The following ECPAS variants were observed in gnomAD, a reference collection of about 807,000 sequenced individuals.
ECPAS encodes the protein Ecm29 proteasome adaptor and scaffold, also known as proteasome adapter and scaffold protein ECM29.
Under a neutral mutation model 255.1 loss-of-function variants are expected in ECPAS, and 70 were observed. The ratio of observed to expected loss-of-function variants is 0.27; its 90% CI spans 0.23 to 0.33. The LOEUF is 0.33. ECPAS is among the 10% of genes least tolerant of loss of function. The pLI is 1.00. For synonymous variants in ECPAS, 784 were observed against 775.0 expected (o/e 1.01, Z -0.19); for missense variants, 1,817 against 2,206.4 (o/e 0.82, Z 3.54).
At chr9:111,365,302 T>TCATCATC (rs1564492243) in intron 48 of ECPAS, among the ~76,000 whole-genome samples, 3 of 149,776 alleles carry the variant, frequency 2.0e-5, no homozygotes, top group African/African-American at 7.4e-5. Flanking sequence ...ATCATCATCA[T>TCATCATC]CATCATCATC....
chr9:111,470,545 C>T (rs150763577), intron 2 of ECPAS, among the ~76,000 whole-genome samples: 6,170 of 152,040 alleles, frequency 0.041, 280 homozygotes, highest in East Asian at 0.14. Flanking sequence ...CTCCTGACCT[C>T]GTGATCCGCC....
At chr9:111,381,274 G>T (rs1340137228) in intron 35 of ECPAS, among the ~76,000 whole-genome samples, 1 of 152,188 alleles carries the variant, frequency 6.6e-6, no homozygotes, top group Non-Finnish European at 1.5e-5. Flanking sequence ...CTCAGGGAAT[G>T]AGACATTTGA....
chr9:111,443,393 G>A (rs1311604041), intron 4 of ECPAS, among the ~76,000 whole-genome samples: 1 of 152,110 alleles, frequency 6.6e-6, no homozygotes, highest in Non-Finnish European at 1.5e-5. Flanking sequence ...TGGGACTACA[G>A]GCACGCGCCA....
intron 24 of ECPAS, among the ~76,000 whole-genome samples, chr9:111,399,445 G>A (rs558361606): frequency 6.6e-6 from 1 of 152,320 alleles, no homozygotes; most frequent in Admixed American, 6.5e-5. Flanking sequence ...GTGAAGCAGA[G>A]CAAAATGAGT....
Position 111,484,128 on chromosome 9 carries a change from C to A in ECPAS, c.-95G>T. The A allele has an allele frequency of 1.4e-6, 2 of 1,455,700 alleles. No homozygotes were observed. Among genetic ancestry groups the A allele is most frequent in the Non-Finnish European group, 1.8e-6 (2 of 1,106,456 alleles). 90.2% of individuals were successfully genotyped at this position (1,455,700 alleles called of 1,614,324 possible). A position where few individuals can be genotyped will look rare whatever the true frequency, so the allele number is the denominator to read the frequency against. On this transcript the variant is annotated 5_prime_UTR_variant, in exon 1 of 50. Coordinates refer to ENST00000684092, the MANE Select transcript of ECPAS (RefSeq NM_001364929.1). ...GCGGGCCTCTGACCTGAGTCGGAGCCGGTCTCCATGCCGCGGACGCTGCGC... is the reference window on the plus strand; with the variant it reads ...GCGGGCCTCTGACCTGAGTCGGAGCAGGTCTCCATGCCGCGGACGCTGCGC...
rs1333286476 is a variant in ECPAS at position 111,484,294 on chromosome 9, C to A, written c.-261G>T. 2 of 1,547,942 alleles carry A rather than the reference C, an allele frequency of 1.3e-6. No homozygotes were observed. The highest frequency in any genetic ancestry group is 1.7e-6 in the Non-Finnish European group (2 of 1,148,598). On this transcript the variant is annotated 5_prime_UTR_variant, in exon 1 of 50. Coordinates refer to ENST00000684092, the MANE Select transcript of ECPAS (RefSeq NM_001364929.1). ...CCGGGGGAAATCCTCGAGGCGGGGCCGGAGCGCCCTTTTCCGAGGTCTGCG... is the reference window on the plus strand; with the variant it reads ...CCGGGGGAAATCCTCGAGGCGGGGCAGGAGCGCCCTTTTCCGAGGTCTGCG...
intron 2 of ECPAS, among the ~76,000 whole-genome samples, chr9:111,467,737 G>T (rs929790854): frequency 6.6e-6 from 1 of 152,040 alleles, no homozygotes; most frequent in East Asian, 1.9e-4. Context: ...TCTCTCTAAT[G>T]GTATTTACTT....
intron 1 of ECPAS, 38 bp from the exon 2 acceptor site, chr9:111,473,038 T>TATA: frequency 1.9e-6 from 1 of 526,510 alleles, no homozygotes; most frequent in Non-Finnish European, 2.6e-6. Flanking sequence ...AATTAACAGA[T>TATA]GTATATGCAT....
intron 3 of ECPAS, among the ~76,000 whole-genome samples, chr9:111,451,036 T>A (rs183202470): frequency 6.9e-4 from 105 of 152,114 alleles, no homozygotes; most frequent in Non-Finnish European, 1.2e-4. Flanking sequence ...TTTGCTTAAA[T>A]TTTTTTTTAT....
chr9:111,389,431 AATTT>A, intron 31 of ECPAS, 121 bp downstream of exon 31: 5 of 837,762 alleles, frequency 6.0e-6, no homozygotes, highest in Non-Finnish European at 8.6e-6. Context: ...AATGAAAGAC[AATTT>A]ATTTGTTTAA....
rs767041713 is a variant in ECPAS at position 111,362,189 on chromosome 9, C to CAAAAACAAA, written c.5381-29_5381-21dup. On this transcript the variant is annotated intron_variant, in intron 49 of 49. Coordinates refer to ENST00000684092, the MANE Select transcript of ECPAS (RefSeq NM_001364929.1). ...TAGATTCTGCATGAAAAAAAAAAAA[C>CAAAAACAAA]AAAAACAAAAAAAACAAAAAACAAA... The CAAAAACAAA allele has an allele frequency of 1.0e-5, 14 of 1,394,716 alleles. No individual in the cohort carries two copies. Among genetic ancestry groups the CAAAAACAAA allele is most frequent in the Non-Finnish European group, 1.3e-5 (14 of 1,050,386 alleles). 86.4% of individuals were successfully genotyped at this position (1,394,716 alleles called of 1,614,324 possible). A position where few individuals can be genotyped will look rare whatever the true frequency, so the allele number is the denominator to read the frequency against.
In ECPAS at chr9:111,362,183, A is replaced by C. The variant is rs533116661; in HGVS notation, c.5381-14T>G. On this transcript the variant is annotated splice_polypyrimidine_tract_variant and intron_variant, in intron 49 of 49. Coordinates refer to ENST00000684092, the MANE Select transcript of ECPAS (RefSeq NM_001364929.1). ...ACTGTTTAGATTCTGCATGAAAAAA[A>C]AAAAACAAAAACAAAAAAAACAAAA... 543 of 1,548,656 alleles carry C rather than the reference A, an allele frequency of 3.5e-4. 4 individuals are homozygous for C. Among genetic ancestry groups the C allele is most frequent in the South Asian group, 3.0e-4 (25 of 82,252 alleles).
chr9:111,447,307 C>T (rs1226665870), intron 3 of ECPAS, among the ~76,000 whole-genome samples: 1 of 151,952 alleles, frequency 6.6e-6, no homozygotes, highest in Non-Finnish European at 1.5e-5. Context: ...TTCTTTTTGG[C>T]ATAAATGAGA....
intron 24 of ECPAS, among the ~76,000 whole-genome samples, chr9:111,399,529 G>C (rs1248790158): frequency 6.6e-6 from 1 of 152,204 alleles, no homozygotes; most frequent in Non-Finnish European, 1.5e-5. Flanking sequence ...CCCAAGGAGG[G>C]AGCACTTAGA....
At chr9:111,386,248 G>GCCA in intron 32 of ECPAS, 129 bp downstream of exon 32, 1 of 683,164 alleles carries the variant, frequency 1.5e-6, no homozygotes, top group Non-Finnish European at 2.6e-6. Flanking sequence ...ACAGGTGTGA[G>GCCA]CCACCACGCC....
intron 1 of ECPAS, among the ~76,000 whole-genome samples, chr9:111,481,450 G>A (rs564647069): frequency 1.3e-5 from 2 of 152,248 alleles, no homozygotes; most frequent in East Asian, 3.9e-4. Context: ...AGCTTACAGT[G>A]AGCGGAGATC....
At chr9:111,483,236 C>T (rs1022051135) in intron 1 of ECPAS, among the ~76,000 whole-genome samples, 2 of 151,986 alleles carry the variant, frequency 1.3e-5, no homozygotes, top group African/African-American at 4.8e-5. Flanking sequence ...CGACCCCGGG[C>T]CAGGGCGGAT....
chr9:111,422,888 A>C (rs2098216216), intron 13 of ECPAS, among the ~76,000 whole-genome samples: 1 of 152,260 alleles, frequency 6.6e-6, no homozygotes, highest in African/African-American at 2.4e-5. Context: ...ATTAGTGCCA[A>C]GTAGCAACAA....
rs1335256438 is a variant in ECPAS, at chr9:111,384,554, C to G, written c.3649G>C (p.Ala1217Pro). 6.2e-7 allele frequency: 1 copy of G among 1,613,732 alleles called. No individual in the cohort carries two copies. Among genetic ancestry groups the G allele is most frequent in the African/African-American group, 1.3e-5 (1 of 74,924 alleles). Reference protein sequence around the residue: ...QDDIKESVRKAAELALKTLSK... With the variant: ...QDDIKESVRKPAELALKTLSK... ...AGAGTTTTCAGAGCTAGTTCTGCCG[C>G]TTTTCGTACAGATTCCTAAAAATGA... is the stretch of plus-strand genomic sequence containing the variant. Residue 1217 changes from alanine to proline, a missense_variant, in exon 34 of 50, where the codon GCG (alanine) becomes CCG (proline). Around this residue, in one of 4 missense-constraint regions of ECPAS, gnomAD observed 960 missense variants for 1,179.0 expected, o/e 0.81. Coordinates refer to ENST00000684092, the MANE Select transcript of ECPAS (RefSeq NM_001364929.1).
Sources: allele counts gnomAD v4.1 joint callset (sites outside exome capture counted in the v4.1 genomes callset), GRCh38; gene constraint gnomAD v4.1.1; regional missense constraint gnomAD v4.1.1; transcripts MANE v1.5; gene names NCBI Gene and HGNC (gene_info 2026-07-23, HGNC 2026-07-21).